The following DPP6 variants were observed in gnomAD, a reference collection of about 807,000 sequenced individuals.
The protein encoded by DPP6 is dipeptidyl peptidase like 6.
A neutral mutation model predicts 122.6 loss-of-function variants in DPP6; 69 were observed. The observed-to-expected ratio is 0.56, with a 90% CI of 0.46 to 0.69. The LOEUF is 0.69. Among genes scored for constraint, DPP6 ranks in the 30% least tolerant of loss-of-function variants. DPP6 has a pLI of 0.00. For missense variants in DPP6, 928 were observed against 1,116.9 expected, an observed-to-expected ratio of 0.83 and a Z score of 2.41; for synonymous variants, 418 against 433.1, an observed-to-expected ratio of 0.97 and a Z score of 0.43.
rs749238780 is a variant in DPP6 at position 154,566,916 on chromosome 7, C to T, written c.627C>T (p.Pro209=). ...CACTTTTTTCATACAATGTGGAACCCGTGAGTATTATCCTTTACTGCCTAC... is the reference window on the plus strand; with the variant it reads ...CACTTTTTTCATACAATGTGGAACCTGTGAGTATTATCCTTTACTGCCTAC... ...EYALFSYNVE[P]IYQHSYTGYY... The change falls in exon 5 of 26, where the codon CCC becomes CCT. Residue 209 remains proline (P), a splice_region_variant and synonymous_variant. Coordinates refer to ENST00000377770, the MANE Select transcript of DPP6 (RefSeq NM_130797.4). 4.9e-5 allele frequency: 79 copies of T among 1,598,204 alleles called. No individual in the cohort carries two copies. The highest frequency in any genetic ancestry group is 1.3e-4 in the South Asian group (12 of 90,344).
At chr7:153,757,029 G>T in the DPP6 span, among the ~76,000 whole-genome samples, 769 of 151,354 alleles carry the variant, frequency 5.1e-3, 6 homozygotes, top group African/African-American at 0.018. Context: ...CTTACACCTT[G>T]TACCTCATGA....
chr7:153,957,093 G>T (rs1197088102), intron 1 of DPP6, among the ~76,000 whole-genome samples: 1 of 152,198 alleles, frequency 6.6e-6, no homozygotes, highest in Non-Finnish European at 1.5e-5. Flanking sequence ...GGAGAGATGA[G>T]TTCCTGCCAC....
At position 154,814,917 on chromosome 7, in the gene DPP6, T is replaced by G. The variant is rs190754421; in HGVS notation, c.1666+7805T>G. Among the ~76,000 whole-genome samples, 348 of 152,320 alleles carry G rather than the reference T, an allele frequency of 2.3e-3. 5 individuals carry two copies. The highest frequency in any genetic ancestry group is 0.019 in the Admixed American group (284 of 15,304). On this transcript the variant is annotated intron_variant, in intron 16 of 25. Transcript: ENST00000377770. Reference sequence around the variant, plus strand: ...GCCAATCATTGGATGAGGACCCACCTAATCCAGCGTAGCTTCATCTTAACT... The same window carrying G: ...GCCAATCATTGGATGAGGACCCACCGAATCCAGCGTAGCTTCATCTTAACT...
At chr7:153,894,594 T>G (rs750702480) in intron 1 of DPP6, among the ~76,000 whole-genome samples, 21 of 152,170 alleles carry the variant, frequency 1.4e-4, no homozygotes, top group Non-Finnish European at 2.5e-4. Context: ...CCCAGTCATC[T>G]ATGGGTGTTG....
intron 1 of DPP6, among the ~76,000 whole-genome samples, chr7:153,936,630 C>T (rs1225703992): frequency 6.6e-6 from 1 of 151,028 alleles, no homozygotes; most frequent in East Asian, 1.9e-4. Context: ...CACGGTGAAA[C>T]CCCGTCTCTA....
At chr7:154,766,812 C>T (rs960588573) in intron 8 of DPP6, among the ~76,000 whole-genome samples, 1 of 152,170 alleles carries the variant, frequency 6.6e-6, no homozygotes, top group African/African-American at 2.4e-5. Flanking sequence ...TTGGACTGTG[C>T]TGGTCAGAAC....
At chr7:154,283,038 T>C (rs1448409579) in intron 1 of DPP6, among the ~76,000 whole-genome samples, 1 of 152,200 alleles carries the variant, frequency 6.6e-6, no homozygotes, top group South Asian at 2.1e-4. Context: ...CCTTACCTCC[T>C]ATCTCCAGTT....
chr7:154,623,646 C>T (rs1286042435), intron 5 of DPP6, among the ~76,000 whole-genome samples: 1 of 131,200 alleles, frequency 7.6e-6, no homozygotes, highest in Non-Finnish European at 1.5e-5. Flanking sequence ...CACACACGCG[C>T]ACACACGCGC....
At chr7:154,146,408 T>C (rs528972318) in intron 1 of DPP6, among the ~76,000 whole-genome samples, 2 of 147,670 alleles carry the variant, frequency 1.4e-5, no homozygotes, top group Admixed American at 1.4e-4. Context: ...CTGTGTACCC[T>C]GATACCTAAC....
chr7:153,765,754 C>T, the DPP6 span, among the ~76,000 whole-genome samples: 127 of 152,216 alleles, frequency 8.3e-4, no homozygotes, highest in Middle Eastern at 3.4e-3. Flanking sequence ...AAACACATGT[C>T]GCCTCACCAA....
At chr7:154,882,516 C>T (rs951902810) in intron 21 of DPP6, among the ~76,000 whole-genome samples, 12 of 152,210 alleles carry the variant, frequency 7.9e-5, no homozygotes, top group Non-Finnish European at 1.5e-4. Flanking sequence ...TCTGTTTCCT[C>T]CTCGCATGTG....
At chr7:154,101,829 G>T (rs1805746827) in intron 1 of DPP6, among the ~76,000 whole-genome samples, 1 of 150,362 alleles carries the variant, frequency 6.7e-6, no homozygotes, top group Admixed American at 6.7e-5. Flanking sequence ...TCGGGAGGCT[G>T]AGGTGAGAGA....
At chr7:154,158,237 A>T (rs1231997423) in intron 1 of DPP6, among the ~76,000 whole-genome samples, 1 of 151,084 alleles carries the variant, frequency 6.6e-6, no homozygotes, top group Admixed American at 6.6e-5. Context: ...CAGATCTTGG[A>T]GGGGTTCTTC....
intron 1 of DPP6, among the ~76,000 whole-genome samples, chr7:154,370,452 T>C (rs1447441963): frequency 6.6e-6 from 1 of 152,112 alleles, no homozygotes; most frequent in African/African-American, 2.4e-5. Flanking sequence ...CCCAAGTAGA[T>C]GATTGATTTC....
At chr7:154,110,457 G>A (rs1352256370) in intron 1 of DPP6, among the ~76,000 whole-genome samples, 3 of 152,156 alleles carry the variant, frequency 2.0e-5, no homozygotes, top group South Asian at 2.1e-4. Context: ...TACTTACCTC[G>A]CGGTGAATAT....
intron 19 of DPP6, among the ~76,000 whole-genome samples, chr7:154,873,930 C>A (rs928719117): frequency 4.7e-5 from 7 of 147,688 alleles, no homozygotes; most frequent in African/African-American, 1.5e-4. Context: ...ATGCACACAC[C>A]CACATGTGCA....
intron 6 of DPP6, among the ~76,000 whole-genome samples, chr7:154,642,178 G>A (rs947061368): frequency 2.0e-5 from 3 of 152,142 alleles, no homozygotes; most frequent in African/African-American, 7.2e-5. Context: ...CAGTGACTTA[G>A]ACCCTGCAGC....
intron 1 of DPP6, among the ~76,000 whole-genome samples, chr7:154,238,233 G>A (rs1430603865): frequency 3.9e-5 from 6 of 152,168 alleles, no homozygotes; most frequent in African/African-American, 1.4e-4. Flanking sequence ...CTGTTATCAT[G>A]CTCAGGCAGT....
intron 7 of DPP6, among the ~76,000 whole-genome samples, chr7:154,697,817 G>T (rs535291231): frequency 1.3e-5 from 2 of 152,232 alleles, no homozygotes; most frequent in South Asian, 4.1e-4. Context: ...TGGCGTGCGC[G>T]GCTCTGTCTG....
Sources: allele counts gnomAD v4.1 joint callset (sites outside exome capture counted in the v4.1 genomes callset), GRCh38; gene constraint gnomAD v4.1.1; transcripts MANE v1.5; gene names NCBI Gene and HGNC (gene_info 2026-07-23, HGNC 2026-07-21).